The following EYS variants were observed in gnomAD, a reference collection of about 807,000 sequenced individuals.
The protein encoded by EYS is EGF-like photoreceptor maintenance factor, also known as protein eyes shut homolog.
EYS carries 250 observed loss-of-function variants against 282.1 expected under a neutral mutation model. The ratio of observed to expected loss-of-function variants is 0.89; its 90% CI spans 0.80 to 0.98. The LOEUF is 0.98. EYS is among the 50% of genes least tolerant of loss of function. EYS has a pLI of 0.00. For missense variants in EYS, 4,016 were observed against 3,709.0 expected (o/e 1.08, Z -2.15); for synonymous variants, 1,355 against 1,282.9 (o/e 1.06, Z -1.20).
intron 26 of EYS, among the ~76,000 whole-genome samples, chr6:64,533,138 G>A (rs887550650): frequency 6.6e-6 from 1 of 152,222 alleles, no homozygotes; most frequent in African/African-American, 2.4e-5. Context: ...GAATCTGAAG[G>A]CTTTCCATAG....
intron 28 of EYS, among the ~76,000 whole-genome samples, chr6:64,400,862 TAC>T (rs1344972918): frequency 2.0e-5 from 3 of 152,122 alleles, no homozygotes; most frequent in African/African-American, 7.2e-5. Context: ...CTTCCAAACT[TAC>T]AGTGATTGTT....
At chr6:64,564,008 CA>C (rs1765483308) in intron 26 of EYS, among the ~76,000 whole-genome samples, 2 of 151,454 alleles carry the variant, frequency 1.3e-5, no homozygotes, top group South Asian at 4.1e-4. Context: ...ATCCTGCTTT[CA>C]AAAAAACAAA....
At chr6:64,854,830 T>C (rs1041466053) in intron 19 of EYS, among the ~76,000 whole-genome samples, 1 of 152,138 alleles carries the variant, frequency 6.6e-6, no homozygotes, top group Non-Finnish European at 1.5e-5. Context: ...CAGGTTTCTG[T>C]TGGGGATCAT....
rs181375331 is a variant in EYS, at chr6:63,951,305, G to A, written c.7055+33078C>T. Among the ~76,000 whole-genome samples the A allele has an allele frequency of 3.0e-3, 462 of 152,174 alleles. 4 individuals carry two copies. The highest frequency in any genetic ancestry group is 0.011 in the African/African-American group (445 of 41,510). ...CAATTTTTCCAAATATCCAAAAAAC[G>A]TCACTTTCGATTTCTCCATCCTACA... is the stretch of plus-strand genomic sequence containing the variant. On this transcript the variant is annotated intron_variant, in intron 35 of 42. Transcript: ENST00000503581.
chr6:65,493,881 A>G (rs1195845744), intron 4 of EYS, among the ~76,000 whole-genome samples: 3 of 152,168 alleles, frequency 2.0e-5, no homozygotes, highest in African/African-American at 7.2e-5. Context: ...TTGGCTCACA[A>G]TTATCTGTTC....
At chr6:65,618,857 A>G (rs906763941) in intron 2 of EYS, among the ~76,000 whole-genome samples, 2 of 152,146 alleles carry the variant, frequency 1.3e-5, no homozygotes, top group African/African-American at 4.8e-5. Context: ...AAGATCAGAC[A>G]GTTGTAGATA....
At chr6:65,217,840 GGACACT>G (rs1766354459) in intron 12 of EYS, among the ~76,000 whole-genome samples, 1 of 152,056 alleles carries the variant, frequency 6.6e-6, no homozygotes, top group South Asian at 2.1e-4. Context: ...GTCATGCTAA[GGACACT>G]GACATGCCAG....
At chr6:63,736,160 C>G (rs1157896022) in intron 41 of EYS, among the ~76,000 whole-genome samples, 1 of 152,132 alleles carries the variant, frequency 6.6e-6, no homozygotes, top group Non-Finnish European at 1.5e-5. Context: ...AGTCCTTGCC[C>G]ATGCCTATGT....
intron 14 of EYS, among the ~76,000 whole-genome samples, chr6:64,988,920 A>T (rs1009425455): frequency 6.6e-6 from 1 of 151,522 alleles, no homozygotes; most frequent in Non-Finnish European, 1.5e-5. Context: ...CTTGAATAAA[A>T]TACCCTGGCT....
rs775398034 is a variant in EYS at position 63,721,762 on chromosome 6, C to T, written c.8269G>A (p.Val2757Ile). The change falls in exon 43 of 43, where the codon GTT becomes ATT. Residue 2757 changes from valine (V) to isoleucine (I), a missense_variant. By Grantham distance (29) the Val-to-Ile change is conservative. Transcript: ENST00000503581. The part of the protein sequence containing the change: ...FLCISLVNSS[V>I]QLRYNLGDRT... ...TCGCCAAGGTTGTAGCGAAGTTGAA[C>T]GGAACTATTTACTAAAGAGATGCAT... The T allele has an allele frequency of 3.9e-6, 6 of 1,550,906 alleles. No individual in the cohort carries two copies. Among genetic ancestry groups the T allele is most frequent in the South Asian group, 1.2e-5 (1 of 83,982 alleles).
intron 2 of EYS, among the ~76,000 whole-genome samples, chr6:65,539,412 T>C (rs1167644332): frequency 2.0e-5 from 3 of 152,186 alleles, no homozygotes; most frequent in African/African-American, 4.8e-5. Flanking sequence ...ACTAATCAGA[T>C]AGCAATTTCT....
chr6:65,385,407 C>G (rs1765762300), intron 7 of EYS, among the ~76,000 whole-genome samples: 1 of 151,814 alleles, frequency 6.6e-6, no homozygotes, highest in African/African-American at 2.4e-5. Context: ...AGTAATTTAC[C>G]TTTCCTATAG....
At chr6:64,126,834 CAT>C (rs1773802616) in intron 31 of EYS, among the ~76,000 whole-genome samples, 1 of 151,434 alleles carries the variant, frequency 6.6e-6, no homozygotes, top group South Asian at 2.1e-4. Flanking sequence ...TATTTAAATA[CAT>C]ATATACACAC....
At chr6:65,682,560 ATTAGT>A (rs1768870655) in intron 1 of EYS, among the ~76,000 whole-genome samples, 1 of 151,998 alleles carries the variant, frequency 6.6e-6, no homozygotes, top group Non-Finnish European at 1.5e-5. Flanking sequence ...TCAATCACAT[ATTAGT>A]TTATTTAATA....
At chr6:64,653,462 T>A (rs6454950) in intron 22 of EYS, among the ~76,000 whole-genome samples, 10 of 152,192 alleles carry the variant, frequency 6.6e-5, no homozygotes, top group East Asian at 3.9e-4. Context: ...GGGTTAATAC[T>A]CAATTTTTAA....
At chr6:64,386,528 C>A (rs1772917102) in intron 29 of EYS, among the ~76,000 whole-genome samples, 1 of 152,118 alleles carries the variant, frequency 6.6e-6, no homozygotes, top group Non-Finnish European at 1.5e-5. Flanking sequence ...CTCCACCTGG[C>A]CCCACCCTTG....
intron 31 of EYS, among the ~76,000 whole-genome samples, chr6:64,147,826 A>G (rs1487161934): frequency 6.6e-6 from 1 of 152,182 alleles, no homozygotes; most frequent in Non-Finnish European, 1.5e-5. Flanking sequence ...CCATAAGAGC[A>G]CATTAGTCTG....
At chr6:65,501,499 C>T (rs1445094388) in intron 2 of EYS, among the ~76,000 whole-genome samples, 1 of 151,586 alleles carries the variant, frequency 6.6e-6, no homozygotes, top group Non-Finnish European at 1.5e-5. Context: ...TGCCATTATA[C>T]AGTTGGTCTA....
At chr6:64,780,029 T>A (rs1773810085) in intron 22 of EYS, among the ~76,000 whole-genome samples, 1 of 152,114 alleles carries the variant, frequency 6.6e-6, no homozygotes, top group East Asian at 1.9e-4. Context: ...CTTCTTAAAC[T>A]CAAGAATGAA....
Sources: allele counts gnomAD v4.1 joint callset (sites outside exome capture counted in the v4.1 genomes callset), GRCh38; gene constraint gnomAD v4.1.1; transcripts MANE v1.5; gene names NCBI Gene and HGNC (gene_info 2026-07-23, HGNC 2026-07-21).